Variants in NIPSNAP1 observed in about 807,000 individuals in gnomAD.
The protein encoded by NIPSNAP1 is protein NipSnap homolog 1.
NIPSNAP1 carries 25 observed loss-of-function variants against 49.2 expected under a neutral mutation model. The observed-to-expected ratio is 0.51, with a 90% CI of 0.37 to 0.71. NIPSNAP1 has a LOEUF of 0.71. Ranked by LOEUF, NIPSNAP1 falls within the 30% of genes least tolerant of loss-of-function variation. The pLI, the probability that NIPSNAP1 is intolerant of heterozygous loss-of-function variation, is 0.00. For missense variants in NIPSNAP1, 294 were observed against 361.0 expected, an observed-to-expected ratio of 0.81 and a Z score of 1.50; for synonymous variants, 143 against 140.7, an observed-to-expected ratio of 1.02 and a Z score of -0.12.
At chr22:29,576,828 G>C (rs994260704) in intron 1 of NIPSNAP1, among the ~76,000 whole-genome samples, 8 of 151,022 alleles carry the variant, frequency 5.3e-5, no homozygotes, top group African/African-American at 2.0e-4. Context: ...GGGAGGCTGA[G>C]GCAGGAGAAT....
At chr22:29,571,319 C>T (rs2064405913) in intron 1 of NIPSNAP1, among the ~76,000 whole-genome samples, 1 of 152,140 alleles carries the variant, frequency 6.6e-6, no homozygotes, top group Non-Finnish European at 1.5e-5. Context: ...ACTGGTTTGG[C>T]AGATAGAGGG....
chr22:29,570,347 T>TCA, intron 2 of NIPSNAP1, 58 bp downstream of exon 2: 1 of 1,613,244 alleles, frequency 6.2e-7, no homozygotes, highest in South Asian at 1.1e-5. Flanking sequence ...TCCTGGAGCC[T>TCA]CACAGGCCCC....
intron 4 of NIPSNAP1, among the ~76,000 whole-genome samples, chr22:29,565,205 A>G (rs1187426657): frequency 6.6e-6 from 1 of 151,616 alleles, no homozygotes; most frequent in African/African-American, 2.4e-5. Context: ...CCCTGTCCCA[A>G]ACAGAAAAAT....
chr22:29,568,496 G>GAA (rs695602), intron 4 of NIPSNAP1, among the ~76,000 whole-genome samples: 93 of 111,446 alleles, frequency 8.3e-4, no homozygotes, highest in East Asian at 5.1e-3. Context: ...AAAGAAAAAA[G>GAA]AAAAAAAAAA....
rs1457857668 is a variant in NIPSNAP1 at position 29,561,572 on chromosome 22, G to A, written c.513C>T (p.Ser171=). ...TTCTGGGCTGTGGCTCATTCCAGAAGCTGAACTCGAGGAGCAGCTGGTTTC... is the reference window on the plus strand; with the variant it reads ...TTCTGGGCTGTGGCTCATTCCAGAAACTGAACTCGAGGAGCAGCTGGTTTC... ...SRRNQLLLEF[S]FWNEPQPRMG... is the part of the protein sequence containing the mutation. Residue 171 remains serine (S), a synonymous_variant, in exon 6 of 10, where the codon AGC becomes AGT. Transcript: ENST00000216121. The A allele has an allele frequency of 1.9e-6, 3 of 1,614,136 alleles. No individual in the cohort carries two copies. The highest frequency in any genetic ancestry group is 2.5e-6 in the Non-Finnish European group (3 of 1,180,016).
At chr22:29,568,030 T>G (rs962946708) in intron 4 of NIPSNAP1, among the ~76,000 whole-genome samples, 1 of 148,728 alleles carries the variant, frequency 6.7e-6, no homozygotes, top group Non-Finnish European at 1.5e-5. Flanking sequence ...AACACAAAAA[T>G]TAGCCGAGCA....
At chr22:29,575,050 C>CT (rs1044057672) in intron 1 of NIPSNAP1, among the ~76,000 whole-genome samples, 1 of 152,192 alleles carries the variant, frequency 6.6e-6, no homozygotes, top group Non-Finnish European at 1.5e-5. Flanking sequence ...ACCCAGCGCT[C>CT]TTTCCTTGAA....
At chr22:29,562,026 G>A (rs2064339761) in intron 4 of NIPSNAP1, among the ~76,000 whole-genome samples, 164 bp from the exon 5 acceptor site, 1 of 152,112 alleles carries the variant, frequency 6.6e-6, no homozygotes, top group African/African-American at 2.4e-5. Context: ...ACCATGCTGG[G>A]GAGGGGATGA....
intron 1 of NIPSNAP1, among the ~76,000 whole-genome samples, chr22:29,574,347 C>CCTGGG (rs1215933096): frequency 1.3e-5 from 2 of 149,526 alleles, no homozygotes; most frequent in Admixed American, 1.3e-4. Context: ...ATACTGCTTA[C>CCTGGG]CTGGGAAAGA....
intron 4 of NIPSNAP1, among the ~76,000 whole-genome samples, chr22:29,566,039 ACT>A (rs1468370012): frequency 2.6e-5 from 4 of 151,990 alleles, no homozygotes; most frequent in Non-Finnish European, 5.9e-5. Context: ...CTATGCAGAC[ACT>A]CTAAACCAGT....
At chr22:29,572,969 A>ATGG (rs1253634802) in intron 1 of NIPSNAP1, among the ~76,000 whole-genome samples, 2 of 151,582 alleles carry the variant, frequency 1.3e-5, no homozygotes, top group African/African-American at 4.8e-5. Context: ...GACAGAGACC[A>ATGG]TGTCTCAAAA....
intron 1 of NIPSNAP1, chr22:29,580,386 T>C (rs1285195355): frequency 1.8e-6 from 1 of 541,566 alleles, no homozygotes. Flanking sequence ...AGACTCCCAC[T>C]CCCAGGAGGC....
chr22:29,580,080 G>A (rs2064486103), intron 1 of NIPSNAP1: 1 of 1,303,792 alleles, frequency 7.7e-7, no homozygotes, highest in Non-Finnish European at 1.0e-6. Flanking sequence ...GTTGGGGGAG[G>A]GGGAACAGGT....
chr22:29,556,022 TCA>T (rs3831692), intron 9 of NIPSNAP1, 23 bp from the exon 10 acceptor site: 14 of 1,539,066 alleles, frequency 9.1e-6, no homozygotes, highest in Middle Eastern at 3.3e-4. Flanking sequence ...AAGGCAGAGG[TCA>T]CACAGGGGGC....
chr22:29,576,013 C>CTTTTT (rs35741168), intron 1 of NIPSNAP1, among the ~76,000 whole-genome samples: 1 of 138,458 alleles, frequency 7.2e-6, no homozygotes. Flanking sequence ...CACACTTGGC[C>CTTTTT]TTTTTTTTTT....
rs1462330364 is a variant in NIPSNAP1, at chr22:29,561,141, C to T, written c.611+30G>A. 3.1e-6 allele frequency: 5 copies of T among 1,605,956 alleles called. No homozygotes were observed. The South Asian group carries it at 5.5e-5, about 18-fold the overall frequency. On this transcript the variant is annotated intron_variant, in intron 7 of 9. Transcript: ENST00000216121. ...GGGCAGGTGAGCAGGGTACGCCTCC[C>T]CCAACCCCAGTCTTGGTGCTGCCAC... is the stretch of plus-strand genomic sequence containing the variant.
chr22:29,570,272 A>G, intron 2 of NIPSNAP1, 65 bp from the exon 3 acceptor site: 1 of 1,600,888 alleles, frequency 6.2e-7, no homozygotes, highest in Non-Finnish European at 8.6e-7. Flanking sequence ...ACTTGGGGTG[A>G]GGGGAGCCCA....
intron 1 of NIPSNAP1, among the ~76,000 whole-genome samples, chr22:29,573,801 G>T (rs1367278693): frequency 6.9e-6 from 1 of 145,912 alleles, no homozygotes; most frequent in Non-Finnish European, 1.5e-5. Flanking sequence ...GTGTGGTCGA[G>T]TGTCAAGTGC....
intron 8 of NIPSNAP1, among the ~76,000 whole-genome samples, chr22:29,559,453 C>T (rs1237002280): frequency 6.6e-6 from 1 of 152,040 alleles, no homozygotes; most frequent in African/African-American, 2.4e-5. Flanking sequence ...ACGAGAATCA[C>T]TTGAACTTGG....
Sources: gnomAD v4.1 joint callset for allele counts (sites outside exome capture counted in the v4.1 genomes callset) on GRCh38, gnomAD v4.1.1 for gene constraint, MANE v1.5 for transcripts, NCBI Gene and HGNC (gene_info 2026-07-23, HGNC 2026-07-21) for gene names.